Variants in MRGPRF observed in about 807,000 individuals in gnomAD.
MRGPRF encodes mas-related G protein-coupled receptor member F.
In MRGPRF, 2 loss-of-function variants were observed where a neutral mutation model predicts 3.3. The ratio of observed to expected loss-of-function variants is 0.61; its 90% CI spans 0.25 to 1.92. The LOEUF is 1.92. MRGPRF is among the 40% of genes most tolerant of loss of function. The pLI, the probability that MRGPRF is intolerant of heterozygous loss-of-function variation, is 0.16. For synonymous variants in MRGPRF, 242 were observed against 222.7 expected, an observed-to-expected ratio of 1.09 and a Z score of -0.77; for missense variants, 500 against 476.0, an observed-to-expected ratio of 1.05 and a Z score of -0.47.
At chr11:69,010,903 C>G (rs1860581651) in intron 1 of MRGPRF, among the ~76,000 whole-genome samples, 1 of 152,132 alleles carries the variant, frequency 6.6e-6, no homozygotes, top group South Asian at 2.1e-4. Context: ...GAAGCTTCTC[C>G]CCGTGAAGCC....
chr11:69,006,394 G>A, intron 2 of MRGPRF, 133 bp from the exon 3 acceptor site: 1 of 1,145,552 alleles, frequency 8.7e-7, no homozygotes. Flanking sequence ...CTGTAAGGCA[G>A]TGGCTGTGGA....
chr11:69,006,348 G>T, intron 2 of MRGPRF, 87 bp from the exon 3 acceptor site: 1 of 1,450,616 alleles, frequency 6.9e-7, no homozygotes, highest in South Asian at 1.4e-5. Context: ...GGGGAGGGGG[G>T]GGGTCCCAAT....
Position 69,006,131 on chromosome 11 carries a change from A to C in MRGPRF, c.179T>G (p.Val60Gly). ...IFLLLCLCGL[V>G]GNGLVLWFFG... ...AAACCAGAGGACCAGCCCGTTGCCC[A>C]CCAGGCCACACAGGCAGAGGAGCAG... Residue 60 changes from valine (V) to glycine (G), a missense_variant, in exon 3 of 3, where the codon GTG (valine) becomes GGG (glycine). By Grantham distance (109) the Val-to-Gly change is moderately radical (BLOSUM62 -3). Transcript: ENST00000309099. 1 of 1,614,040 alleles carries C rather than the reference A, an allele frequency of 6.2e-7. No homozygotes were observed. Among genetic ancestry groups the C allele is most frequent in the Non-Finnish European group, 8.5e-7 (1 of 1,180,002 alleles).
Position 69,005,923 on chromosome 11 carries a change from G to A in MRGPRF, c.387C>T (p.Thr129=), listed in dbSNP as rs199725159. ...CRVLGLCMFL[T]GVSLLPAVSA... is the part of the protein sequence containing the mutation. Reference sequence around the variant, plus strand: ...TGACGGCCGGCAGGAGGCTCACGCCGGTAAGGAACATGCAGAGCCCCAGGA... The same window carrying A: ...TGACGGCCGGCAGGAGGCTCACGCCAGTAAGGAACATGCAGAGCCCCAGGA... Residue 129 remains threonine (T), a synonymous_variant, in exon 3 of 3, where the codon ACC becomes ACT. Coordinates refer to ENST00000309099, the MANE Select transcript of MRGPRF (RefSeq NM_145015.5). The A allele has an allele frequency of 8.3e-6, 13 of 1,575,164 alleles. No individual in the cohort carries two copies. In the East Asian group the frequency reaches 9.2e-5, roughly 11 times the overall value.
Position 69,005,621 on chromosome 11 carries a change from C to A in MRGPRF, c.689G>T (p.Arg230Leu). Reference sequence around the variant, plus strand: ...GTTGAGCTTGGCAGAGCGCTGGCGCCGTCGGGCCCGGCACTCCACGTGCAG... The same window carrying A: ...GTTGAGCTTGGCAGAGCGCTGGCGCAGTCGGGCCCGGCACTCCACGTGCAG... The part of the protein sequence containing the change: ...LILHVECRAR[R>L]RQRSAKLNHV... Residue 230 changes from arginine (R) to leucine (L), a missense_variant, in exon 3 of 3, where the codon CGG becomes CTG. Coordinates refer to ENST00000309099, the MANE Select transcript of MRGPRF (RefSeq NM_145015.5). The A allele has an allele frequency of 6.4e-7, 1 of 1,558,770 alleles. No individual in the cohort carries two copies. Among genetic ancestry groups the A allele is most frequent in the Non-Finnish European group, 8.7e-7 (1 of 1,151,776 alleles).
At chr11:69,008,756 C>A (rs1422328909) in intron 2 of MRGPRF, among the ~76,000 whole-genome samples, 2 of 152,218 alleles carry the variant, frequency 1.3e-5, no homozygotes, top group African/African-American at 4.8e-5. Flanking sequence ...ACCGTAGGAT[C>A]TGGTGCCCAA....
In MRGPRF at chr11:69,005,236, G is replaced by A. The variant is rs1021813252; in HGVS notation, c.*42C>T. The A allele has an allele frequency of 1.1e-5, 16 of 1,454,004 alleles. No homozygotes were observed. The African/African-American group carries it at 2.0e-4, about 18-fold the overall frequency. The allele number at this position is 1,454,004 out of a possible 1,614,324, so 90.1% of individuals were successfully genotyped here. On this transcript the variant is annotated 3_prime_UTR_variant, in exon 3 of 3. Transcript: ENST00000309099. Reference sequence around the variant, plus strand: ...TTCCTGTCCCAAGGCGAAGGGTCTTGGAGGCCGCTTCCTGCCCCTGCCTCC... The same window carrying A: ...TTCCTGTCCCAAGGCGAAGGGTCTTAGAGGCCGCTTCCTGCCCCTGCCTCC...
chr11:69,011,448 G>T (rs1860596106), intron 1 of MRGPRF, among the ~76,000 whole-genome samples: 1 of 152,366 alleles, frequency 6.6e-6, no homozygotes, highest in African/African-American at 2.4e-5. Flanking sequence ...GTCCCAGGGT[G>T]GGGGCACCTT....
intron 1 of MRGPRF, among the ~76,000 whole-genome samples, chr11:69,010,827 G>A (rs1860580016): frequency 6.6e-6 from 1 of 152,082 alleles, no homozygotes; most frequent in East Asian, 1.9e-4. Flanking sequence ...AGACCTCATG[G>A]GTCTGCCTGC....
rs1160705546 is a variant in MRGPRF at position 69,005,282 on chromosome 11, G to A, written c.1028C>T (p.Ser343Phe). ...MEMQCPPGNA[S>F] is the part of the protein sequence containing the mutation. ...CCTCCTCCAGGCGCTGGAGTCTCAGGAGGCGTTCCCCGGGGGACACTGCAT... is the reference window on the plus strand; with the variant it reads ...CCTCCTCCAGGCGCTGGAGTCTCAGAAGGCGTTCCCCGGGGGACACTGCAT... Residue 343 changes from serine to phenylalanine, a missense_variant, in exon 3 of 3, where the codon TCC (serine) becomes TTC (phenylalanine). Physicochemically the swap from Ser to Phe is radical, Grantham distance 155. Coordinates refer to ENST00000309099, the MANE Select transcript of MRGPRF (RefSeq NM_145015.5). 1.3e-6 allele frequency: 2 copies of A among 1,493,290 alleles called. No homozygotes were observed. Among genetic ancestry groups the A allele is most frequent in the South Asian group, 1.3e-5 (1 of 75,264 alleles). The allele number at this position is 1,493,290 out of a possible 1,614,324, so 92.5% of individuals were successfully genotyped here.
chr11:69,006,926 C>A (rs1287039765), intron 2 of MRGPRF, among the ~76,000 whole-genome samples: 1 of 152,060 alleles, frequency 6.6e-6, no homozygotes, highest in Non-Finnish European at 1.5e-5. Flanking sequence ...CTGAGCCTTT[C>A]CATTTTTAAG....
Position 69,004,976 on chromosome 11 carries a change from T to G in MRGPRF, c.*302A>C, listed in dbSNP as rs1590677355. The G allele has an allele frequency of 2.9e-6, 1 of 347,680 alleles. No individual in the cohort carries two copies. Among genetic ancestry groups the G allele is most frequent in the East Asian group, 5.4e-5 (1 of 18,490 alleles). The allele number at this position is 347,680 out of a possible 1,614,324, so 21.5% of individuals were successfully genotyped here. ...CTAGGCTGGGTGTTGACCTCCTCTC[T>G]TTTACCAACCAGCCTAGGGCAAGGA... On this transcript the variant is annotated 3_prime_UTR_variant, in exon 3 of 3. Transcript: ENST00000309099.
intron 2 of MRGPRF, chr11:69,009,504 G>A: frequency 1.7e-6 from 1 of 582,492 alleles, no homozygotes; most frequent in South Asian, 2.1e-5. Flanking sequence ...GCGTCCCAGG[G>A]CTTCCTGGCC....
At chr11:69,007,593 A>G (rs1860515392) in intron 2 of MRGPRF, among the ~76,000 whole-genome samples, 1 of 152,250 alleles carries the variant, frequency 6.6e-6, no homozygotes, top group African/African-American at 2.4e-5. Flanking sequence ...AGGGTTAACG[A>G]TGACTGAGCT....
rs763158831 is a variant in MRGPRF, at chr11:69,005,344, C to G, written c.966G>C (p.Glu322Asp). The G allele has an allele frequency of 1.3e-6, 2 of 1,563,914 alleles. No individual in the cohort carries two copies. Among genetic ancestry groups the G allele is most frequent in the Admixed American group, 3.8e-5 (2 of 52,770 alleles). The change falls in exon 3 of 3, where the codon GAG becomes GAC. Residue 322 changes from glutamate (E) to aspartate (D), a missense_variant. Glu to Asp is a conservative substitution (Grantham distance 45). Coordinates refer to ENST00000309099, the MANE Select transcript of MRGPRF (RefSeq NM_145015.5). ...RALRDGAELG[E>D]AGGSTPNTVT... is the part of the protein sequence containing the mutation. ...CTGTGTTGGGCGTGCTGCCCCCGGC[C>G]TCCCCCAGCTCAGCGCCGTCCCGCA...
chr11:69,009,599 C>T, intron 2 of MRGPRF: 1 of 610,164 alleles, frequency 1.6e-6, no homozygotes, highest in Non-Finnish European at 3.0e-6. Context: ...ACAAGGCGAC[C>T]ACAGTGTCAG....
chr11:69,011,336 C>T (rs1860593386), intron 1 of MRGPRF, among the ~76,000 whole-genome samples: 1 of 152,212 alleles, frequency 6.6e-6, no homozygotes, highest in Non-Finnish European at 1.5e-5. Flanking sequence ...CCTGGCTCCC[C>T]TCGGCCCCGC....
chr11:69,010,374 G>T (rs779387570), intron 1 of MRGPRF, among the ~76,000 whole-genome samples: 2 of 152,242 alleles, frequency 1.3e-5, no homozygotes, highest in Non-Finnish European at 2.9e-5. Context: ...AGGGGAAGAG[G>T]GATCATTCCT....
chr11:69,011,511 T>C (rs1053449216), intron 1 of MRGPRF, among the ~76,000 whole-genome samples: 1 of 152,184 alleles, frequency 6.6e-6, no homozygotes, highest in African/African-American at 2.4e-5. Context: ...GGCTTGCAGA[T>C]GGCTGGTGCT....
Sources: allele counts gnomAD v4.1 joint callset (sites outside exome capture counted in the v4.1 genomes callset), GRCh38; gene constraint gnomAD v4.1.1; transcripts MANE v1.5; gene names NCBI Gene and HGNC (gene_info 2026-07-23, HGNC 2026-07-21).